Variants in GCM2 observed in about 807,000 individuals in gnomAD.
GCM2 encodes the protein GCM transcription factor 2, also known as chorion-specific transcription factor GCMb.
A neutral mutation model predicts 24.8 loss-of-function variants in GCM2; 21 were observed. The ratio of observed to expected loss-of-function variants is 0.85; its 90% CI spans 0.60 to 1.22. The LOEUF (loss-of-function observed/expected upper bound fraction) is 1.22. Ranked by LOEUF, GCM2 falls within the 50% of genes most tolerant of loss-of-function variation. The pLI is 0.00. For synonymous variants in GCM2, 222 were observed against 238.0 expected (o/e 0.93, Z 0.62); for missense variants, 532 against 645.6 (o/e 0.82, Z 1.91).
rs1259212295 is a variant in GCM2, at chr6:10,874,824, G to T, written c.692C>A (p.Pro231His). 6.2e-7 allele frequency: 1 copy of T among 1,612,786 alleles called. No homozygotes were observed. The highest frequency in any genetic ancestry group is 8.5e-7 in the Non-Finnish European group (1 of 1,179,048). ...ATCAGACTTTGGGAAGGAAGGGCAAGGCTGCCCTGGAATAGGGAAGCTGGT... is the reference window on the plus strand; with the variant it reads ...ATCAGACTTTGGGAAGGAAGGGCAATGCTGCCCTGGAATAGGGAAGCTGGT... The part of the protein sequence containing the change: ...TETSFPIPGQ[P>H]CPSFPKSDVY... Residue 231 changes from proline (P) to histidine (H), a missense_variant, in exon 5 of 5, where the codon CCT becomes CAT. By Grantham distance (77) the Pro-to-His change is moderately conservative. Around this residue, in one of 3 missense-constraint regions of GCM2, gnomAD observed 434 missense variants for 521.9 expected, o/e 0.83. Transcript: ENST00000379491.
At position 10,874,613 on chromosome 6, in the gene GCM2, G is replaced by A. The variant is rs77910271; in HGVS notation, c.903C>T (p.Asp301=). ...LYKDSTSIPN[D]TDWVHLNTLQ... ...GTGTGTTCAGATGAACCCAGTCTGTGTCATTAGGGATACTGGTGGAATCCT... is the reference window on the plus strand; with the variant it reads ...GTGTGTTCAGATGAACCCAGTCTGTATCATTAGGGATACTGGTGGAATCCT... The change falls in exon 5 of 5, where the codon GAC becomes GAT. Residue 301 remains aspartate, a synonymous_variant. Transcript: ENST00000379491. The A allele has an allele frequency of 3.8e-3, 6,213 of 1,614,054 alleles. 164 individuals carry two copies. The East Asian group carries it at 0.067, about 17-fold the overall frequency.
rs1779964060 is a variant in GCM2 at position 10,881,810 on chromosome 6, C to A, written c.-17G>T. 6.2e-7 allele frequency: 1 copy of A among 1,600,808 alleles called. No homozygotes were observed. The highest frequency in any genetic ancestry group is 8.5e-7 in the Non-Finnish European group (1 of 1,175,942). ...CGCCGGCATCTGCCCAACTCGCTCGCGCTTTCCGCCCAGGGTTCTGAAAAA... is the reference window on the plus strand; with the variant it reads ...CGCCGGCATCTGCCCAACTCGCTCGAGCTTTCCGCCCAGGGTTCTGAAAAA... On this transcript the variant is annotated 5_prime_UTR_variant, in exon 1 of 5. Transcript: ENST00000379491.
rs142287570 is a variant in GCM2 at position 10,874,335 on chromosome 6, T to G, written c.1181A>C (p.Tyr394Ser). Residue 394 changes from tyrosine to serine, a missense_variant, in exon 5 of 5, where the codon TAC becomes TCC. This residue lies in a region of GCM2 where 434 missense variants were observed against 521.9 expected (regional missense o/e 0.83). Transcript: ENST00000379491. ...TTTTKVSYQA[Y>S]QPPAMKYSDS... is the part of the protein sequence containing the mutation. ...ACTGTATTTCATAGCAGGGGGCTGG[T>G]AGGCCTGGTAGGACACTTTAGTGGT... 4.4e-4 allele frequency: 703 copies of G among 1,614,196 alleles called. 3 individuals are homozygous for G. The highest frequency in any genetic ancestry group is 2.3e-4 in the Non-Finnish European group (268 of 1,180,022).
intron 1 of GCM2, 120 bp from the exon 2 acceptor site, chr6:10,877,512 CA>C (rs1447810208): frequency 1.9e-6 from 2 of 1,027,564 alleles, no homozygotes; most frequent in Admixed American, 3.9e-5. Flanking sequence ...CCAGTAACGT[CA>C]AATTCCAAAA....
Position 10,874,685 on chromosome 6 carries a change from C to T in GCM2, c.831G>A (p.Leu277=), listed in dbSNP as rs369540974. The change falls in exon 5 of 5, where the codon TTG becomes TTA. Residue 277 remains leucine (L), a synonymous_variant. Coordinates refer to ENST00000379491, the MANE Select transcript of GCM2 (RefSeq NM_004752.4). ...TTGAATTTGTATAACCAGGGTTTGC[C>T]AATTCATAGCTGCAAGGTGGCCTAG... ...YLPRPPCSYE[L]ANPGYTNSSP... is the part of the protein sequence containing the mutation. 16 of 1,613,968 alleles carry T rather than the reference C, an allele frequency of 9.9e-6. No homozygotes were observed. Among genetic ancestry groups the T allele is most frequent in the African/African-American group, 2.7e-5 (2 of 74,904 alleles).
chr6:10,881,748 C>G lies in GCM2; in HGVS notation c.46G>C (p.Gly16Arg), dbSNP rs767414679. Residue 16 changes from glycine to arginine, a missense_variant, in exon 1 of 5, where the codon GGG becomes CGG. Physicochemically the swap from Gly to Arg is moderately radical, Grantham distance 125. Around this residue, in one of 3 missense-constraint regions of GCM2, gnomAD observed 96 missense variants for 103.5 expected, o/e 0.93. Coordinates refer to ENST00000379491, the MANE Select transcript of GCM2 (RefSeq NM_004752.4). Reference protein sequence around the residue: ...VQEAVGVCSYGMQLSWDINDP... With the variant: ...VQEAVGVCSYRMQLSWDINDP... ...TTGATGTCCCAGCTGAGCTGCATCC[C>G]GTAGGAGCACACGCCGACCGCTTCC... 5 of 1,611,060 alleles carry G rather than the reference C, an allele frequency of 3.1e-6. No homozygotes were observed. The highest frequency in any genetic ancestry group is 1.1e-5 in the South Asian group (1 of 91,086).
Position 10,882,039 on chromosome 6 carries a change from A to T in GCM2, c.-246T>A. ...GAACGTTCTCCACCCGAACGGCAGC[A>T]TCGACCTCTGGCAGCTGCCCCCTCC... is the stretch of plus-strand genomic sequence containing the variant. On this transcript the variant is annotated 5_prime_UTR_variant, in exon 1 of 5. It removes an upstream start codon present in the reference 5' UTR. Transcript: ENST00000379491. 5.6e-6 allele frequency: 3 copies of T among 539,148 alleles called. No individual in the cohort carries two copies. The highest frequency in any genetic ancestry group is 1.0e-5 in the Non-Finnish European group (3 of 299,804). The allele number at this position is 539,148 out of a possible 1,614,324, so 33.4% of individuals were successfully genotyped here.
At chr6:10,875,602 A>G (rs987309055) in intron 4 of GCM2, among the ~76,000 whole-genome samples, 2 of 152,200 alleles carry the variant, frequency 1.3e-5, no homozygotes, top group Non-Finnish European at 2.9e-5. Context: ...ACATATTTCT[A>G]TCTTTATTAC....
At position 10,877,164 on chromosome 6, in the gene GCM2, C is replaced by A. The variant is rs61741855; in HGVS notation, c.319G>T (p.Asp107Tyr). The change falls in exon 2 of 5, where the codon GAC becomes TAC. Residue 107 changes from aspartate (D) to tyrosine (Y), a missense_variant. This residue lies in a region of GCM2 where 434 missense variants were observed against 521.9 expected (regional missense o/e 0.83). Coordinates refer to ENST00000379491, the MANE Select transcript of GCM2 (RefSeq NM_004752.4). The stretch of plus-strand genomic sequence containing the variant: ...CTCTGCTGTTTCAGCCGTGCCTTGT[C>A]GCAGATGGCCGGCCTCAGCTGCAGG... The part of the protein sequence containing the change: ...SRLQLRPAIC[D>Y]KARLKQQKKA... 1 of 1,613,116 alleles carries A rather than the reference C, an allele frequency of 6.2e-7. No homozygotes were observed. Among genetic ancestry groups the A allele is most frequent in the Middle Eastern group, 1.7e-4 (1 of 6,044 alleles).
Position 10,874,248 on chromosome 6 carries a change from A to AT in GCM2, c.1267dup (p.Met423AsnfsTer49). 6.2e-7 allele frequency: 1 copy of AT among 1,614,208 alleles called. No homozygotes were observed. The highest frequency in any genetic ancestry group is 8.5e-7 in the Non-Finnish European group (1 of 1,180,032). On this transcript the variant is annotated frameshift_variant, in exon 5 of 5. Transcript: ENST00000379491. LOFTEE classifies it low-confidence loss of function (END_TRUNC). Reference sequence around the variant, plus strand: ...ACCCCAGGGTTCTGGATAGACAGACATCCCAGTATCTTCAGGAGCATAGTT... The same window carrying AT: ...ACCCCAGGGTTCTGGATAGACAGACATTCCCAGTATCTTCAGGAGCATAGTT...
At position 10,874,473 on chromosome 6, in the gene GCM2, T is replaced by G. The variant is rs1328391672; in HGVS notation, c.1043A>C (p.His348Pro). 1 of 1,614,156 alleles carries G rather than the reference T, an allele frequency of 6.2e-7. No individual in the cohort carries two copies. The highest frequency in any genetic ancestry group is 2.2e-5 in the East Asian group (1 of 44,882). Residue 348 changes from histidine (H) to proline (P), a missense_variant, in exon 5 of 5, where the codon CAT (histidine) becomes CCT (proline). By Grantham distance (77) the His-to-Pro change is moderately conservative (BLOSUM62 -2). Transcript: ENST00000379491. ...GKPSLVERTN[H>P]GQFQAMATRP... ...AGTGGCCATGGCCTGAAACTGCCCATGGTTAGTCCTTTCCACAAGGCTGGG... is the reference window on the plus strand; with the variant it reads ...AGTGGCCATGGCCTGAAACTGCCCAGGGTTAGTCCTTTCCACAAGGCTGGG...
chr6:10,876,990 G>A lies in GCM2; in HGVS notation c.343+150C>T, dbSNP rs1479328390. The A allele has an allele frequency of 2.9e-5, 30 of 1,031,110 alleles. No individual in the cohort carries two copies. The East Asian group carries it at 6.7e-4, about 23-fold the overall frequency. The allele number at this position is 1,031,110 out of a possible 1,614,324, so 63.9% of individuals were successfully genotyped here. A position where few individuals can be genotyped will look rare whatever the true frequency, so the allele number is the denominator to read the frequency against. On this transcript the variant is annotated intron_variant, in intron 2 of 4. Transcript: ENST00000379491. ...AGGCAGGAGGATCGCTTGAACCCGG[G>A]AGGCGGAGGTTGCAGTGAGCTGAGA... is the stretch of plus-strand genomic sequence containing the variant.
intron 1 of GCM2, 94 bp downstream of exon 1, chr6:10,881,610 G>GTGTGTGTGT (rs1554103434): frequency 8.2e-6 from 5 of 606,796 alleles, no homozygotes; most frequent in African/African-American, 3.9e-5. Context: ...GTGTGTGTAT[G>GTGTGTGTGT]GTCCGTCCGC....
chr6:10,874,321 T>C lies in GCM2; in HGVS notation c.1195A>G (p.Met399Val). The change falls in exon 5 of 5, where the codon ATG becomes GTG. Residue 399 changes from methionine (M) to valine (V), a missense_variant. Met to Val is a conservative substitution (Grantham distance 21). Around this residue, in one of 3 missense-constraint regions of GCM2, gnomAD observed 434 missense variants for 521.9 expected, o/e 0.83. Coordinates refer to ENST00000379491, the MANE Select transcript of GCM2 (RefSeq NM_004752.4). The part of the protein sequence containing the change: ...VSYQAYQPPA[M>V]KYSDSVREVK... ...TCTCGCACACTGTCACTGTATTTCA[T>C]AGCAGGGGGCTGGTAGGCCTGGTAG... 6.2e-7 allele frequency: 1 copy of C among 1,613,864 alleles called. No homozygotes were observed. Among genetic ancestry groups the C allele is most frequent in the Non-Finnish European group, 8.5e-7 (1 of 1,179,768 alleles).
Position 10,881,970 on chromosome 6 carries a change from ATGGT to A in GCM2, c.-181_-178del. 1.5e-6 allele frequency: 1 copy of A among 648,056 alleles called. No homozygotes were observed. Among genetic ancestry groups the A allele is most frequent in the East Asian group, 2.8e-5 (1 of 35,820 alleles). The allele number at this position is 648,056 out of a possible 1,614,324, so 40.1% of individuals were successfully genotyped here. A position where few individuals can be genotyped will look rare whatever the true frequency, so the allele number is the denominator to read the frequency against. On this transcript the variant is annotated 5_prime_UTR_variant, in exon 1 of 5. Coordinates refer to ENST00000379491, the MANE Select transcript of GCM2 (RefSeq NM_004752.4). ...TTTAGATATCTGGAAGCTGGGGACA[ATGGT>A]TATGGACCCGGGCGGGGCCTTGTCC...
At position 10,874,213 on chromosome 6, in the gene GCM2, T is replaced by A; in HGVS notation, c.1303A>T (p.Thr435Ser). The A allele has an allele frequency of 1.2e-6, 2 of 1,614,124 alleles. No individual in the cohort carries two copies. The highest frequency in any genetic ancestry group is 1.7e-6 in the Non-Finnish European group (2 of 1,180,024). The change falls in exon 5 of 5, where the codon ACA becomes TCA. Residue 435 changes from threonine (T) to serine (S), a missense_variant. Physicochemically the swap from Thr to Ser is moderately conservative, Grantham distance 58. Around this residue, in one of 3 missense-constraint regions of GCM2, gnomAD observed 434 missense variants for 521.9 expected, o/e 0.83. Coordinates refer to ENST00000379491, the MANE Select transcript of GCM2 (RefSeq NM_004752.4). ...GAAGGAGAGGCTGCCCTGGTGACTG[T>A]CACCGGAGGACCCCAGGGTTCTGGA... ...VYPEPWGPPVTVTRAASPSGP... is the reference protein window; with the variant it reads ...VYPEPWGPPVSVTRAASPSGP...
chr6:10,876,330 G>T lies in GCM2; in HGVS notation c.456+115C>A, dbSNP rs1010196410. The T allele has an allele frequency of 5.2e-6, 4 of 767,700 alleles. No individual in the cohort carries two copies. In the East Asian group the frequency reaches 1.0e-4, roughly 20 times the overall value. 47.6% of individuals were successfully genotyped at this position (767,700 alleles called of 1,614,324 possible). A position where few individuals can be genotyped will look rare whatever the true frequency, so the allele number is the denominator to read the frequency against. On this transcript the variant is annotated intron_variant, in intron 3 of 4. Coordinates refer to ENST00000379491, the MANE Select transcript of GCM2 (RefSeq NM_004752.4). ...TGGGGAGCTCCAGCACCTATTTCTG[G>T]CCACTGGGGCTGTATTTTGTTTGGC...
Position 10,882,038 on chromosome 6 carries a change from C to A in GCM2, c.-245G>T. Reference sequence around the variant, plus strand: ...TGAACGTTCTCCACCCGAACGGCAGCATCGACCTCTGGCAGCTGCCCCCTC... The same window carrying A: ...TGAACGTTCTCCACCCGAACGGCAGAATCGACCTCTGGCAGCTGCCCCCTC... On this transcript the variant is annotated 5_prime_UTR_variant, in exon 1 of 5. The change abolishes an upstream ATG in the 5' untranslated region. Transcript: ENST00000379491. The A allele has an allele frequency of 1.8e-6, 1 of 540,638 alleles. No individual in the cohort carries two copies. The highest frequency in any genetic ancestry group is 3.3e-6 in the Non-Finnish European group (1 of 300,690). The allele number at this position is 540,638 out of a possible 1,614,324, so 33.5% of individuals were successfully genotyped here.
chr6:10,879,394 G>C (rs1316981663), intron 1 of GCM2, among the ~76,000 whole-genome samples: 4 of 152,166 alleles, frequency 2.6e-5, no homozygotes, highest in African/African-American at 9.7e-5. Flanking sequence ...CACAGAGATT[G>C]TATTTTTAAA....
Sources: gnomAD v4.1 joint callset for allele counts (sites outside exome capture counted in the v4.1 genomes callset) on GRCh38, gnomAD v4.1.1 for gene constraint, gnomAD v4.1.1 regional missense constraint, MANE v1.5 for transcripts, NCBI Gene and HGNC (gene_info 2026-07-23, HGNC 2026-07-21) for gene names.